The following CNDP2 variants were observed in gnomAD, a reference collection of about 807,000 sequenced individuals.
The protein encoded by CNDP2 is cytosolic non-specific dipeptidase.
CNDP2 carries 38 observed loss-of-function variants against 55.0 expected under a neutral mutation model. The observed-to-expected ratio is 0.69, with a 90% confidence interval of 0.53 to 0.90. The LOEUF (loss-of-function observed/expected upper bound fraction) is 0.90, where lower values mean the gene tolerates loss of function less well. CNDP2 is among the 40% of genes least tolerant of loss of function. The pLI is 0.00. For missense variants in CNDP2, 607 were observed against 621.7 expected (o/e 0.98, Z 0.25); for synonymous variants, 241 against 260.2 (o/e 0.93, Z 0.71).
intron 8 of CNDP2, among the ~76,000 whole-genome samples, chr18:74,516,008 C>T (rs1286364802): frequency 6.6e-6 from 1 of 152,240 alleles, no homozygotes; most frequent in Admixed American, 6.5e-5. Flanking sequence ...AGTGAAATGC[C>T]TCACCTGAGG....
Position 74,518,754 on chromosome 18 carries a change from G to C in CNDP2, c.1210+114G>C, listed in dbSNP as rs1332961812. 1.8e-5 allele frequency: 27 copies of C among 1,484,782 alleles called. No individual in the cohort carries two copies. The East Asian group carries it at 2.0e-4, about 11-fold the overall frequency. The allele number at this position is 1,484,782 out of a possible 1,614,324, so 92.0% of individuals were successfully genotyped here. ...TCGGGGGCGCTGCTGTATCGTGGGGGCGTGTAGTTAAGTCAGCATGAGGAC... is the reference window on the plus strand; with the variant it reads ...TCGGGGGCGCTGCTGTATCGTGGGGCCGTGTAGTTAAGTCAGCATGAGGAC... On this transcript the variant is annotated intron_variant, in intron 10 of 11. Transcript: ENST00000324262.
intron 5 of CNDP2, 59 bp downstream of exon 5, chr18:74,508,987 ACAGGCTC>A: frequency 7.1e-7 from 1 of 1,402,692 alleles, no homozygotes; most frequent in Non-Finnish European, 1.0e-6. Flanking sequence ...CCATACAAAG[ACAGGCTC>A]TCTGTTCACA....
chr18:74,503,860 C>G (rs1255465397), intron 3 of CNDP2, among the ~76,000 whole-genome samples: 1 of 151,030 alleles, frequency 6.6e-6, no homozygotes, highest in African/African-American at 2.4e-5. Context: ...ACACACGCAG[C>G]CACACTGCCG....
intron 1 of CNDP2, among the ~76,000 whole-genome samples, chr18:74,498,817 T>C (rs1238053450): frequency 2.0e-5 from 3 of 152,192 alleles, no homozygotes; most frequent in African/African-American, 7.2e-5. Context: ...TTCCATGCTC[T>C]GTGGCTAGTG....
chr18:74,510,299 C>T (rs961869978), intron 5 of CNDP2, among the ~76,000 whole-genome samples: 2 of 152,214 alleles, frequency 1.3e-5, no homozygotes, highest in Admixed American at 1.3e-4. Flanking sequence ...GCCAGCTTCA[C>T]GCACAACCTC....
intron 5 of CNDP2, among the ~76,000 whole-genome samples, chr18:74,510,376 A>T (rs538232695): frequency 2.2e-4 from 34 of 152,338 alleles, no homozygotes; most frequent in African/African-American, 8.2e-4. Flanking sequence ...TGATCCAGAC[A>T]CACGGCAAGG....
chr18:74,504,154 G>T (rs1366051425), intron 3 of CNDP2, among the ~76,000 whole-genome samples: 39 of 136,948 alleles, frequency 2.8e-4, no homozygotes, highest in Admixed American at 5.9e-4. Flanking sequence ...GGACAAATGA[G>T]GGGCGTCAGG....
chr18:74,518,923 G>T (rs778545725), intron 10 of CNDP2, 26 bp from the exon 11 acceptor site: 2 of 1,580,292 alleles, frequency 1.3e-6, no homozygotes, highest in African/African-American at 3.1e-5. Flanking sequence ...AAAGCTCACC[G>T]TTTATTTTAT....
At chr18:74,504,434 G>A (rs551813577) in intron 3 of CNDP2, among the ~76,000 whole-genome samples, 3 of 152,260 alleles carry the variant, frequency 2.0e-5, no homozygotes, top group Non-Finnish European at 4.4e-5. Flanking sequence ...TAAATTACTG[G>A]GAACACAAAT....
At chr18:74,515,333 G>C (rs907854170) in intron 8 of CNDP2, among the ~76,000 whole-genome samples, 2 of 152,170 alleles carry the variant, frequency 1.3e-5, no homozygotes, top group African/African-American at 4.8e-5. Flanking sequence ...CTCTGGAATA[G>C]GAAGAGAAGG....
rs915398515 is a variant in CNDP2 at position 74,501,477 on chromosome 18, G to A, written c.204+5G>A. On this transcript the variant is annotated splice_donor_5th_base_variant and intron_variant, in intron 3 of 11. Coordinates refer to ENST00000324262, the MANE Select transcript of CNDP2 (RefSeq NM_018235.3). ...GTGGATATCGGAAAACAAAAGGTAG[G>A]AGGCAACATTCTTTGCATTGCAGGA... The A allele has an allele frequency of 5.0e-6, 8 of 1,612,512 alleles. No individual in the cohort carries two copies. Among genetic ancestry groups the A allele is most frequent in the Middle Eastern group, 1.6e-4 (1 of 6,074 alleles).
intron 1 of CNDP2, among the ~76,000 whole-genome samples, chr18:74,496,772 C>T (rs767638334): frequency 6.6e-6 from 1 of 152,182 alleles, no homozygotes; most frequent in African/African-American, 2.4e-5. Flanking sequence ...TGGAACGACC[C>T]GGGTTGGAGA....
intron 5 of CNDP2, 48 bp from the exon 6 acceptor site, chr18:74,510,765 G>C (rs753431269): frequency 6.6e-7 from 1 of 1,509,168 alleles, no homozygotes; most frequent in Non-Finnish European, 9.1e-7. Context: ...CTTCTAGAAG[G>C]AAGGTTCGCA....
rs765714093 is a variant in CNDP2, at chr18:74,512,465, A to G, written c.675A>G (p.Lys225=). Reference sequence around the variant, plus strand: ...CCGTGCAGGTGGAGTGCAGCAACAAAGACCTCCATTCTGGGGTGTACGGGG... The same window carrying G: ...CCGTGCAGGTGGAGTGCAGCAACAAGGACCTCCATTCTGGGGTGTACGGGG... ...YFFIEVECSN[K]DLHSGVYGGS... is the part of the protein sequence containing the mutation. The change falls in exon 7 of 12, where the codon AAA becomes AAG. Residue 225 remains lysine (K), a synonymous_variant. Transcript: ENST00000324262. The G allele has an allele frequency of 2.5e-6, 4 of 1,613,816 alleles. No homozygotes were observed. Among genetic ancestry groups the G allele is most frequent in the Non-Finnish European group, 3.4e-6 (4 of 1,179,844 alleles).
At chr18:74,498,465 A>G (rs541001445) in intron 1 of CNDP2, among the ~76,000 whole-genome samples, 198 of 152,264 alleles carry the variant, frequency 1.3e-3, no homozygotes, top group Non-Finnish European at 2.1e-3. Flanking sequence ...ACGTGACTAT[A>G]TTTTTGAGTG....
rs1227864061 is a variant in CNDP2 at position 74,520,425 on chromosome 18, CAGG to C, written c.*362_*364del. ...AATCGAGCACTTTGGGAGGCCAAGA[CAGG>C]AGGATCACTTGAGGCCAGGAGTCTG... On this transcript the variant is annotated 3_prime_UTR_variant, in exon 12 of 12. Transcript: ENST00000324262. 4.3e-6 allele frequency: 1 copy of C among 232,842 alleles called. No individual in the cohort carries two copies. The highest frequency in any genetic ancestry group is 8.5e-6 in the Non-Finnish European group (1 of 117,746). The allele number at this position is 232,842 out of a possible 1,614,324, so 14.4% of individuals were successfully genotyped here. A position where few individuals can be genotyped will look rare whatever the true frequency, so the allele number is the denominator to read the frequency against.
Position 74,499,986 on chromosome 18 carries a change from A to G in CNDP2, c.13A>G (p.Thr5Ala), listed in dbSNP as rs1479692124. The G allele has an allele frequency of 6.2e-7, 1 of 1,614,110 alleles. No homozygotes were observed. Among genetic ancestry groups the G allele is most frequent in the Middle Eastern group, 1.6e-4 (1 of 6,062 alleles). Reference sequence around the variant, plus strand: ...GTCTGGTTGAAAGATGGCGGCCCTCACTACCCTGTTTAAGTACATAGATGA... The same window carrying G: ...GTCTGGTTGAAAGATGGCGGCCCTCGCTACCCTGTTTAAGTACATAGATGA... The part of the protein sequence containing the change: MAAL[T>A]TLFKYIDENQ... The change falls in exon 2 of 12, where the codon ACT becomes GCT. Residue 5 changes from threonine to alanine, a missense_variant. Physicochemically the swap from Thr to Ala is moderately conservative, Grantham distance 58 (BLOSUM62 0). Transcript: ENST00000324262.
At chr18:74,503,073 G>GTTTTTT (rs72527615) in intron 3 of CNDP2, among the ~76,000 whole-genome samples, 5 of 142,186 alleles carry the variant, frequency 3.5e-5, no homozygotes, top group African/African-American at 8.1e-5. Flanking sequence ...GCTCCCTTTC[G>GTTTTTT]TTTTTTTTTT....
At position 74,520,214 on chromosome 18, in the gene CNDP2, A is replaced by G. The variant is rs1316921467; in HGVS notation, c.*146A>G. 2.7e-6 allele frequency: 2 copies of G among 732,086 alleles called. No homozygotes were observed. Among genetic ancestry groups the G allele is most frequent in the Non-Finnish European group, 2.3e-6 (1 of 438,760 alleles). The allele number at this position is 732,086 out of a possible 1,614,324, so 45.3% of individuals were successfully genotyped here. ...GACTTTAGAGAACAGACACAAGTGT[A>G]TCCAGCTGTCCACGGGTGGAGCTAC... On this transcript the variant is annotated 3_prime_UTR_variant, in exon 12 of 12. Transcript: ENST00000324262.
Sources: gnomAD v4.1 joint callset for allele counts (sites outside exome capture counted in the v4.1 genomes callset) on GRCh38, gnomAD v4.1.1 for gene constraint, MANE v1.5 for transcripts, NCBI Gene and HGNC (gene_info 2026-07-23, HGNC 2026-07-21) for gene names.